Variants in TMPRSS15 observed in about 807,000 individuals in gnomAD.
The protein encoded by TMPRSS15 is transmembrane serine protease 15.
TMPRSS15 carries 128 observed loss-of-function variants against 125.3 expected under a neutral mutation model. The observed-to-expected ratio is 1.02, with a 90% CI of 0.89 to 1.18. The LOEUF (loss-of-function observed/expected upper bound fraction) is 1.18, where lower values mean the gene tolerates loss of function less well. TMPRSS15 is among the 50% of genes most tolerant of loss of function. TMPRSS15 has a pLI of 0.00. For missense variants in TMPRSS15, 1,283 were observed against 1,212.7 expected (o/e 1.06, Z -0.86); for synonymous variants, 446 against 423.2 (o/e 1.05, Z -0.66).
At chr21:18,478,436 A>G (rs1202846359) in intron 1 of TMPRSS15, among the ~76,000 whole-genome samples, 1 of 152,028 alleles carries the variant, frequency 6.6e-6, no homozygotes, top group Non-Finnish European at 1.5e-5. Flanking sequence ...TAATACAGAA[A>G]GTTCTGTTGT....
In TMPRSS15 at chr21:18,429,819, C is replaced by A. The variant is rs927690971; in HGVS notation, c.11-31490G>T. ...GTAATTTGAGATTACTTATACTATACTTGCAGCTTTGCCTAGTTTTCTTCC... is the reference window on the plus strand; with the variant it reads ...GTAATTTGAGATTACTTATACTATAATTGCAGCTTTGCCTAGTTTTCTTCC... On this transcript the variant is annotated intron_variant, in intron 1 of 7. Transcript: ENST00000422787. 3.9e-5 allele frequency among the ~76,000 whole-genome samples: 6 copies of A among 152,314 alleles called. No individual in the cohort carries two copies. In the East Asian group the frequency reaches 5.8e-4, roughly 15 times the overall value.
intron 1 of TMPRSS15, among the ~76,000 whole-genome samples, chr21:18,413,218 TCTTC>T (rs1007801115): frequency 3.7e-5 from 5 of 135,434 alleles, no homozygotes; most frequent in African/African-American, 8.1e-5. Flanking sequence ...CCTCCCTTCC[TCTTC>T]CTTCCTTCCT....
chr21:18,348,955 C>T (rs993706008), intron 10 of TMPRSS15, among the ~76,000 whole-genome samples: 2 of 152,082 alleles, frequency 1.3e-5, no homozygotes, highest in Non-Finnish European at 2.9e-5. Flanking sequence ...TCCTATTGTC[C>T]TCAACCTCAC....
chr21:18,383,613 A>G lies in TMPRSS15; in HGVS notation c.496+14T>C. On this transcript the variant is annotated intron_variant, in intron 4 of 24. Transcript: ENST00000284885. ...CTTAATGATTCAAAGAAATCAAATA[A>G]TGTTCACACATACCTAGGATATCAA... is the stretch of plus-strand genomic sequence containing the variant. 1 of 1,612,902 alleles carries G rather than the reference A, an allele frequency of 6.2e-7. No homozygotes were observed. Among genetic ancestry groups the G allele is most frequent in the Non-Finnish European group, 8.5e-7 (1 of 1,179,662 alleles).
intron 21 of TMPRSS15, among the ~76,000 whole-genome samples, chr21:18,286,918 C>T (rs981548847): frequency 6.6e-6 from 1 of 152,214 alleles, no homozygotes; most frequent in Non-Finnish European, 1.5e-5. Context: ...CCCAGAGCAT[C>T]AGAGTTTGCT....
chr21:18,289,588 T>C (rs2074809608), intron 21 of TMPRSS15, among the ~76,000 whole-genome samples: 1 of 152,224 alleles, frequency 6.6e-6, no homozygotes, highest in Non-Finnish European at 1.5e-5. Context: ...TATGAAATTA[T>C]TTATTTCAGG....
chr21:18,334,478 T>C (rs754534935), intron 13 of TMPRSS15, among the ~76,000 whole-genome samples: 4 of 152,198 alleles, frequency 2.6e-5, no homozygotes, highest in Non-Finnish European at 4.4e-5. Flanking sequence ...ATGAAAATTG[T>C]GGCTCTGAGT....
At chr21:18,472,144 A>T (rs747642873) in intron 1 of TMPRSS15, among the ~76,000 whole-genome samples, 7 of 152,146 alleles carry the variant, frequency 4.6e-5, no homozygotes, top group Non-Finnish European at 7.4e-5. Flanking sequence ...TATAAACATT[A>T]AGAAATAATT....
chr21:18,482,919 A>G (rs1979010422), intron 1 of TMPRSS15, among the ~76,000 whole-genome samples: 1 of 151,770 alleles, frequency 6.6e-6, no homozygotes, highest in Admixed American at 6.6e-5. Context: ...CCTTACTGAG[A>G]GTCAGTTAAA....
intron 1 of TMPRSS15, among the ~76,000 whole-genome samples, chr21:18,445,206 A>AT (rs71191408): frequency 0.015 from 2,113 of 141,492 alleles, 50 homozygotes; most frequent in East Asian, 0.098. Context: ...TATATACCAC[A>AT]TTTTTTTTTT....
rs1191261614 is a variant in TMPRSS15 at position 18,359,133 on chromosome 21, G to A, written c.880+624C>T. On this transcript the variant is annotated intron_variant, in intron 8 of 24. Coordinates refer to ENST00000284885, the MANE Select transcript of TMPRSS15 (RefSeq NM_002772.3). Reference sequence around the variant, plus strand: ...CACTGGTTACTGTGAATAGATCTGTGCATTTTGGGGCCCGGTGGAATAAAG... The same window carrying A: ...CACTGGTTACTGTGAATAGATCTGTACATTTTGGGGCCCGGTGGAATAAAG... 2.6e-5 allele frequency among the ~76,000 whole-genome samples: 4 copies of A among 152,126 alleles called. No individual in the cohort carries two copies. In the East Asian group the frequency reaches 5.8e-4, roughly 22 times the overall value.
At chr21:18,341,835 C>T (rs923564765) in intron 12 of TMPRSS15, among the ~76,000 whole-genome samples, 9 of 152,172 alleles carry the variant, frequency 5.9e-5, no homozygotes, top group African/African-American at 1.9e-4. Context: ...CTGTCTGTGT[C>T]TCTCTTATGA....
chr21:18,476,578 T>C (rs1978884227), intron 1 of TMPRSS15, among the ~76,000 whole-genome samples: 1 of 152,180 alleles, frequency 6.6e-6, no homozygotes, highest in Non-Finnish European at 1.5e-5. Context: ...AAATATTTAT[T>C]GGGCATCTCT....
intron 1 of TMPRSS15, among the ~76,000 whole-genome samples, chr21:18,441,381 C>A (rs1301320815): frequency 6.6e-6 from 1 of 151,690 alleles, no homozygotes; most frequent in East Asian, 2.0e-4. Flanking sequence ...CCGAGGCAGG[C>A]AGATCATGAG....
chr21:18,448,154 T>C (rs1028785109), intron 1 of TMPRSS15, among the ~76,000 whole-genome samples: 3 of 152,210 alleles, frequency 2.0e-5, no homozygotes, highest in Non-Finnish European at 2.9e-5. Context: ...AAGAGGTATC[T>C]ACATTTCTAT....
At chr21:18,289,312 A>G (rs2074804715) in intron 21 of TMPRSS15, among the ~76,000 whole-genome samples, 1 of 152,208 alleles carries the variant, frequency 6.6e-6, no homozygotes, top group Admixed American at 6.5e-5. Flanking sequence ...TGGGCTTTCA[A>G]GACCAGCCTG....
chr21:18,452,256 T>C (rs147407143), intron 1 of TMPRSS15, among the ~76,000 whole-genome samples: 1 of 152,306 alleles, frequency 6.6e-6, no homozygotes, highest in African/African-American at 2.4e-5. Context: ...CATGGTTTGT[T>C]AAAATTAGCA....
At chr21:18,482,332 A>G (rs142266348) in intron 1 of TMPRSS15, among the ~76,000 whole-genome samples, 127 of 151,658 alleles carry the variant, frequency 8.4e-4, no homozygotes, top group African/African-American at 2.8e-3. Context: ...ATATTCAAAT[A>G]AGCATGTAAT....
chr21:18,446,832 G>C (rs1209696776), intron 1 of TMPRSS15, among the ~76,000 whole-genome samples: 4 of 152,158 alleles, frequency 2.6e-5, no homozygotes, highest in Non-Finnish European at 5.9e-5. Flanking sequence ...AAAACTGCTA[G>C]AGAAAAACAG....
Sources: gnomAD v4.1 joint callset for allele counts (sites outside exome capture counted in the v4.1 genomes callset) on GRCh38, gnomAD v4.1.1 for gene constraint, MANE v1.5 for transcripts, NCBI Gene and HGNC (gene_info 2026-07-23, HGNC 2026-07-21) for gene names.